HECTD4: variants seen among roughly 807,000 people sequenced by gnomAD.
The protein encoded by HECTD4 is HECT domain E3 ubiquitin protein ligase 4.
A neutral mutation model predicts 471.5 loss-of-function variants in HECTD4; 114 were observed. The observed-to-expected ratio is 0.24, with a 90% CI of 0.21 to 0.28. The LOEUF (loss-of-function observed/expected upper bound fraction) is 0.28. Ranked by LOEUF, HECTD4 falls within the 10% of genes least tolerant of loss-of-function variation. The pLI, the probability that HECTD4 is intolerant of heterozygous loss-of-function variation, is 1.00. For synonymous variants in HECTD4, 2,012 were observed against 2,256.0 expected (o/e 0.89, Z 3.07); for missense variants, 3,866 against 5,651.5 (o/e 0.68, Z 10.13).
chr12:112,276,166 T>C (rs1289602358), intron 9 of HECTD4, among the ~76,000 whole-genome samples: 1 of 152,172 alleles, frequency 6.6e-6, no homozygotes, highest in African/African-American at 2.4e-5. Flanking sequence ...GCCCCCACAG[T>C]AGCCGAAGAG....
chr12:112,340,197 G>C (rs1803824161), intron 1 of HECTD4, among the ~76,000 whole-genome samples: 1 of 152,130 alleles, frequency 6.6e-6, no homozygotes, highest in Non-Finnish European at 1.5e-5. Flanking sequence ...TGTTATTCCA[G>C]TACTGGAAAG....
intron 16 of HECTD4, 55 bp downstream of exon 16, chr12:112,265,120 T>A: frequency 6.7e-7 from 1 of 1,503,192 alleles, no homozygotes; most frequent in Non-Finnish European, 9.0e-7. Flanking sequence ...TATAATAAAA[T>A]GAAAACAGGG....
intron 28 of HECTD4, 50 bp from the exon 29 acceptor site, chr12:112,247,126 A>C: frequency 7.2e-7 from 1 of 1,392,046 alleles, no homozygotes; most frequent in Non-Finnish European, 9.8e-7. Context: ...CTTATCAAAA[A>C]CAACTATTAA....
intron 2 of HECTD4, among the ~76,000 whole-genome samples, chr12:112,315,895 TAAA>T (rs570049819): frequency 3.2e-5 from 3 of 93,026 alleles, no homozygotes; most frequent in Admixed American, 1.2e-4. Flanking sequence ...GACCATGTCT[TAAA>T]AAAAAAAAAA....
At chr12:112,336,033 G>C (rs2035951268) in intron 1 of HECTD4, among the ~76,000 whole-genome samples, 1 of 151,732 alleles carries the variant, frequency 6.6e-6, no homozygotes. Flanking sequence ...AATCAAACCT[G>C]AGTGGTACCA....
chr12:112,276,867 C>T (rs947007831), intron 9 of HECTD4, among the ~76,000 whole-genome samples: 2 of 152,186 alleles, frequency 1.3e-5, no homozygotes, highest in Admixed American at 6.5e-5. Context: ...TAAGGAAATG[C>T]ATAAAATCAC....
chr12:112,187,622 CTTTTTTTTTTTT>C (rs150976845), intron 60 of HECTD4, among the ~76,000 whole-genome samples: 1 of 85,964 alleles, frequency 1.2e-5, no homozygotes, highest in South Asian at 5.0e-4. Context: ...GTTTCCTTTC[CTTTTTTTTTTTT>C]TTTTTTTTTT....
intron 50 of HECTD4, among the ~76,000 whole-genome samples, chr12:112,209,419 C>T (rs1235425934): frequency 2.0e-5 from 3 of 151,856 alleles, no homozygotes; most frequent in South Asian, 2.1e-4. Context: ...CTCCACCTCC[C>T]GGTTCAAGCA....
rs577054056 is a variant in HECTD4, at chr12:112,172,831, C to T, written c.11625G>A (p.Gln3875=). 49 of 1,613,998 alleles carry T rather than the reference C, an allele frequency of 3.0e-5. 1 individual carries two copies. The African/African-American group carries it at 5.9e-4, about 19-fold the overall frequency. ...RCACIDVRHA[Q]KASRKWTLEM... is the part of the protein sequence containing the mutation. ...CCAGGGTCCACTTTCTTGAGGCCTTCTGTGCATGTCGGACATCGATGCATG... is the reference window on the plus strand; with the variant it reads ...CCAGGGTCCACTTTCTTGAGGCCTTTTGTGCATGTCGGACATCGATGCATG... The change falls in exon 67 of 76, where the codon CAG becomes CAA. Residue 3875 remains glutamine (Q), a synonymous_variant. Coordinates refer to ENST00000682272, the MANE Select transcript of HECTD4 (RefSeq NM_001388303.1).
chr12:112,201,779 T>C (rs1235635477), intron 54 of HECTD4, among the ~76,000 whole-genome samples: 3 of 152,318 alleles, frequency 2.0e-5, no homozygotes, highest in East Asian at 3.9e-4. Context: ...GTAAAATTTA[T>C]GTTCATTGTT....
chr12:112,171,032 A>G (rs936264762), intron 68 of HECTD4, 85 bp downstream of exon 68: 2 of 1,221,852 alleles, frequency 1.6e-6, no homozygotes, highest in Non-Finnish European at 2.3e-6. Context: ...GGGCTGCCCA[A>G]GGACGCTGCC....
At position 112,381,915 on chromosome 12, in the gene HECTD4, C is replaced by A; in HGVS notation, c.177+37G>T. 6 of 1,215,072 alleles carry A rather than the reference C, an allele frequency of 4.9e-6. No homozygotes were observed. Among genetic ancestry groups the A allele is most frequent in the Non-Finnish European group, 6.1e-6 (6 of 975,676 alleles). 75.3% of individuals were successfully genotyped at this position (1,215,072 alleles called of 1,614,324 possible). On this transcript the variant is annotated intron_variant, in intron 1 of 75. Coordinates refer to ENST00000682272, the MANE Select transcript of HECTD4 (RefSeq NM_001388303.1). The surrounding 1 kb of genome is among the most constrained non-coding windows in gnomAD (Gnocchi z 4.1). ...ACCCGGGGGTGCCGGGCGAGTGGGTCAGTCCGATGGCGGGGGCCGGGGGCC... is the reference window on the plus strand; with the variant it reads ...ACCCGGGGGTGCCGGGCGAGTGGGTAAGTCCGATGGCGGGGGCCGGGGGCC...
At chr12:112,369,717 A>G (rs1393220021) in intron 1 of HECTD4, among the ~76,000 whole-genome samples, 1 of 152,026 alleles carries the variant, frequency 6.6e-6, no homozygotes, top group Non-Finnish European at 1.5e-5. Context: ...TCAAACACTA[A>G]TACCGGGACT....
At chr12:112,346,928 C>T (rs2036162176) in intron 1 of HECTD4, among the ~76,000 whole-genome samples, 1 of 152,058 alleles carries the variant, frequency 6.6e-6, no homozygotes, top group African/African-American at 2.4e-5. Context: ...TCCATATATA[C>T]TGGAAATGTT....
chr12:112,247,172 G>A, intron 28 of HECTD4, 96 bp from the exon 29 acceptor site: 1 of 1,011,092 alleles, frequency 9.9e-7, no homozygotes, highest in Non-Finnish European at 1.5e-6. Context: ...GAAGACACAG[G>A]GGAAACTAAG....
In HECTD4 at chr12:112,193,387, G is replaced by A. The variant is rs1252107180; in HGVS notation, c.8955+82C>T. On this transcript the variant is annotated intron_variant, in intron 57 of 75. Transcript: ENST00000682272. This position sits in a 1 kb window ranked among gnomAD's most constrained non-coding sequence, Gnocchi z 5.2. Reference sequence around the variant, plus strand: ...AGGAATAGGGACTTGGAAGGGAAAGGGGAGTCATTTTCAGCAAGCCAGTGA... The same window carrying A: ...AGGAATAGGGACTTGGAAGGGAAAGAGGAGTCATTTTCAGCAAGCCAGTGA... The A allele has an allele frequency of 2.0e-5, 28 of 1,401,246 alleles. No individual in the cohort carries two copies. The highest frequency in any genetic ancestry group is 2.9e-5 in the African/African-American group (2 of 70,038). 86.8% of individuals were successfully genotyped at this position (1,401,246 alleles called of 1,614,324 possible).
At chr12:112,348,402 C>A (rs980728016) in intron 1 of HECTD4, among the ~76,000 whole-genome samples, 3 of 152,160 alleles carry the variant, frequency 2.0e-5, no homozygotes, top group African/African-American at 7.2e-5. Flanking sequence ...TTGTATCAAA[C>A]AGAACTATAG....
intron 53 of HECTD4, 75 bp from the exon 54 acceptor site, chr12:112,203,847 A>C (rs1248039533): frequency 1.2e-6 from 1 of 815,922 alleles, no homozygotes; most frequent in Non-Finnish European, 1.9e-6. Context: ...AGCATCTAAA[A>C]TAGCTCTCCA....
chr12:112,205,728 T>A (rs2032558773), intron 52 of HECTD4, among the ~76,000 whole-genome samples: 1 of 151,888 alleles, frequency 6.6e-6, no homozygotes, highest in Admixed American at 6.6e-5. Context: ...GTAGTTGGGA[T>A]TACAGGCGCG....
Sources: allele counts gnomAD v4.1 joint callset (sites outside exome capture counted in the v4.1 genomes callset), GRCh38; gene constraint gnomAD v4.1.1; non-coding constraint Gnocchi (gnomAD v3.1); transcripts MANE v1.5; gene names NCBI Gene and HGNC (gene_info 2026-07-23, HGNC 2026-07-21).